The following MIPEP variants were observed in gnomAD, a reference collection of about 807,000 sequenced individuals.
MIPEP encodes mitochondrial intermediate peptidase.
In MIPEP, 79 loss-of-function variants were observed where a neutral mutation model predicts 90.3. The ratio of observed to expected loss-of-function variants is 0.87; its 90% CI spans 0.73 to 1.05. MIPEP has a LOEUF of 1.05. Among genes scored for constraint, MIPEP ranks in the 50% least tolerant of loss-of-function variants. The pLI is 0.00. For missense variants in MIPEP, 940 were observed against 905.6 expected (o/e 1.04, Z -0.49); for synonymous variants, 334 against 315.8 (o/e 1.06, Z -0.61).
At chr13:23,826,420 T>C (rs1454617364) in intron 14 of MIPEP, among the ~76,000 whole-genome samples, 7 of 152,054 alleles carry the variant, frequency 4.6e-5, no homozygotes, top group Non-Finnish European at 7.4e-5. Context: ...TGATGACACA[T>C]GAAGCCATAA....
At chr13:23,759,854 C>T (rs1320255390) in intron 17 of MIPEP, among the ~76,000 whole-genome samples, 1 of 152,154 alleles carries the variant, frequency 6.6e-6, no homozygotes, top group Non-Finnish European at 1.5e-5. Context: ...CACCACACAG[C>T]CACCTCTACA....
chr13:23,778,753 T>C (rs1444653725), intron 16 of MIPEP, among the ~76,000 whole-genome samples: 9 of 152,046 alleles, frequency 5.9e-5, no homozygotes, highest in African/African-American at 1.9e-4. Context: ...GCTTAGTGTT[T>C]ACTGGGTGCC....
intron 14 of MIPEP, among the ~76,000 whole-genome samples, chr13:23,817,105 AG>A (rs1254019224): frequency 6.6e-6 from 1 of 152,206 alleles, no homozygotes; most frequent in Non-Finnish European, 1.5e-5. Context: ...GTTGGTTGCC[AG>A]CACTGCTCTT....
Position 23,881,736 on chromosome 13 carries a change from C to A in MIPEP, c.415G>T (p.Glu139Ter). 6.2e-7 allele frequency: 1 copy of A among 1,614,068 alleles called. No homozygotes were observed. Among genetic ancestry groups the A allele is most frequent in the Non-Finnish European group, 8.5e-7 (1 of 1,179,948 alleles). The change falls in exon 3 of 19, where the codon GAA (glutamate) becomes TAA (stop). Residue 139 changes from glutamate to a stop codon, truncating the protein, a stop_gained. Transcript: ENST00000382172. LOFTEE classifies it high-confidence loss of function. ...HPEPAFREAAEEACRSIGTMV... is the reference protein window; with the variant it reads ...HPEPAFREAA Reference sequence around the variant, plus strand: ...GTGCCAATACTTCTACAAGCTTCTTCCGCAGCTTCTCTGAATGCTGGCTCA... The same window carrying A: ...GTGCCAATACTTCTACAAGCTTCTTACGCAGCTTCTCTGAATGCTGGCTCA...
At chr13:23,841,853 A>G (rs895472414) in intron 10 of MIPEP, among the ~76,000 whole-genome samples, 1 of 152,160 alleles carries the variant, frequency 6.6e-6, no homozygotes, top group African/African-American at 2.4e-5. Context: ...GGTAACTCTT[A>G]CCTTATGAAT....
intron 14 of MIPEP, among the ~76,000 whole-genome samples, chr13:23,832,366 T>C (rs1161476024): frequency 6.6e-6 from 1 of 152,118 alleles, no homozygotes; most frequent in African/African-American, 2.4e-5. Context: ...AAAAAATAGA[T>C]TCCTTTTCTT....
intron 16 of MIPEP, among the ~76,000 whole-genome samples, chr13:23,762,323 A>T (rs73158535): frequency 0.2 from 30,023 of 152,142 alleles, 3,564 homozygotes; most frequent in East Asian, 0.43. Context: ...AAACATTTTT[A>T]AAAATATGGT....
intron 6 of MIPEP, 28 bp downstream of exon 6, chr13:23,869,985 A>T: frequency 1.3e-6 from 2 of 1,518,422 alleles, no homozygotes; most frequent in Middle Eastern, 3.5e-4. Flanking sequence ...ATGGGACCTA[A>T]ACAACAAAGA....
chr13:23,826,837 A>C (rs1043624906), intron 14 of MIPEP, among the ~76,000 whole-genome samples: 2 of 152,240 alleles, frequency 1.3e-5, no homozygotes, highest in Non-Finnish European at 2.9e-5. Context: ...GGTTCTTTGA[A>C]AATACAGTCA....
At chr13:23,831,288 T>G (rs1331981143) in intron 14 of MIPEP, among the ~76,000 whole-genome samples, 3 of 148,114 alleles carry the variant, frequency 2.0e-5, no homozygotes, top group Non-Finnish European at 3.0e-5. Flanking sequence ...CTGCCTCCAT[T>G]AGGAATCAGG....
At chr13:23,753,193 A>G in intron 18 of MIPEP, among the ~76,000 whole-genome samples, 1 of 150,096 alleles carries the variant, frequency 6.7e-6, no homozygotes, top group South Asian at 2.1e-4. Flanking sequence ...GTGCCACTGC[A>G]CTCCAGCCTG....
intron 16 of MIPEP, among the ~76,000 whole-genome samples, chr13:23,797,737 C>T (rs550730027): frequency 1.4e-4 from 21 of 152,306 alleles, no homozygotes; most frequent in African/African-American, 4.8e-4. Context: ...ACCTTTTTCT[C>T]ATTAATGTTT....
rs1318869547 is a variant in MIPEP, at chr13:23,730,400, A to G, written c.2090T>C (p.Leu697Pro). 1 of 1,612,830 alleles carries G rather than the reference A, an allele frequency of 6.2e-7. No homozygotes were observed. Among genetic ancestry groups the G allele is most frequent in the East Asian group, 2.2e-5 (1 of 44,788 alleles). Residue 697 changes from leucine to proline, a missense_variant, in exon 19 of 19, where the codon CTC becomes CCC. Physicochemically the swap from Leu to Pro is moderately conservative, Grantham distance 98. Coordinates refer to ENST00000382172, the MANE Select transcript of MIPEP (RefSeq NM_005932.4). ...CPSVDDFVSA[L>P]VSDLDLDFET... ...GAAGTCCAGATCCAAGTCGGAAACGAGGGCACTTACGAAGTCATCAACAGA... is the reference window on the plus strand; with the variant it reads ...GAAGTCCAGATCCAAGTCGGAAACGGGGGCACTTACGAAGTCATCAACAGA...
intron 2 of MIPEP, among the ~76,000 whole-genome samples, chr13:23,885,903 T>C (rs1393072818): frequency 2.1e-5 from 3 of 141,348 alleles, no homozygotes; most frequent in African/African-American, 7.8e-5. Flanking sequence ...AGGGAGACCC[T>C]GTCTCTATTA....
intron 18 of MIPEP, among the ~76,000 whole-genome samples, chr13:23,735,219 T>C (rs755124523): frequency 3.9e-5 from 6 of 152,172 alleles, no homozygotes; most frequent in East Asian, 1.9e-4. Context: ...CCTCTGTATA[T>C]ATACCTAGCT....
chr13:23,888,988 G>A (rs1361745894), intron 1 of MIPEP, 144 bp downstream of exon 1: 3 of 752,094 alleles, frequency 4.0e-6, no homozygotes, highest in Non-Finnish European at 5.6e-6. Context: ...CATCGAGAGC[G>A]CACACAAGAC....
Position 23,879,295 on chromosome 13 carries a change from A to C in MIPEP, c.512T>G (p.Leu171Arg), listed in dbSNP as rs758484641. ...SLQKLLADKK[L>R]VDSLDPETRR... ...TGTTTCTGGATCAAGGGAATCCACA[A>C]GTTTTTTATCAGCTAGTAATTTTTG... The change falls in exon 4 of 19, where the codon CTT becomes CGT. Residue 171 changes from leucine (L) to arginine (R), a missense_variant. Transcript: ENST00000382172. 1.9e-6 allele frequency: 3 copies of C among 1,606,598 alleles called. No individual in the cohort carries two copies. The highest frequency in any genetic ancestry group is 2.6e-6 in the Non-Finnish European group (3 of 1,173,516).
Position 23,836,270 on chromosome 13 carries a change from G to C in MIPEP, c.1623C>G (p.Asn541Lys), listed in dbSNP as rs1351511819. Reference protein sequence around the residue: ...EYFANDYRVVNQFARHYQTGQ... With the variant: ...EYFANDYRVVKQFARHYQTGQ... The stretch of plus-strand genomic sequence containing the variant: ...CAGTCTGATAATGTCTGGCAAATTG[G>C]TTAACTACTCGATAATCATTTGCAA... The change falls in exon 14 of 19, where the codon AAC becomes AAG. Residue 541 changes from asparagine (N) to lysine (K), a missense_variant. Asn to Lys is a moderately conservative substitution (Grantham distance 94). Transcript: ENST00000382172. The C allele has an allele frequency of 6.2e-7, 1 of 1,603,974 alleles. No individual in the cohort carries two copies. Among genetic ancestry groups the C allele is most frequent in the Non-Finnish European group, 8.5e-7 (1 of 1,175,990 alleles).
intron 1 of MIPEP, 106 bp downstream of exon 1, chr13:23,889,026 C>T: frequency 1.8e-6 from 2 of 1,087,644 alleles, no homozygotes; most frequent in Non-Finnish European, 2.4e-6. Context: ...GTTCGCTGCT[C>T]GCCTCCTCCC....
Sources: gnomAD v4.1 joint callset for allele counts (sites outside exome capture counted in the v4.1 genomes callset) on GRCh38, gnomAD v4.1.1 for gene constraint, MANE v1.5 for transcripts, NCBI Gene and HGNC (gene_info 2026-07-23, HGNC 2026-07-21) for gene names.